The following STK31 variants were observed in gnomAD, a reference collection of about 807,000 sequenced individuals.
The protein encoded by STK31 is serine/threonine-protein kinase 31.
STK31 carries 89 observed loss-of-function variants against 129.7 expected under a neutral mutation model. The ratio of observed to expected loss-of-function variants is 0.69; its 90% CI spans 0.58 to 0.82. The LOEUF is 0.82. Ranked by LOEUF, STK31 falls within the 40% of genes least tolerant of loss-of-function variation. STK31 has a pLI of 0.00. For missense variants in STK31, 1,187 were observed against 1,176.4 expected, an observed-to-expected ratio of 1.01 and a Z score of -0.13; for synonymous variants, 448 against 395.3, an observed-to-expected ratio of 1.13 and a Z score of -1.58.
At chr7:23,795,072 A>T (rs1320251337) in intron 22 of STK31, among the ~76,000 whole-genome samples, 1 of 152,230 alleles carries the variant, frequency 6.6e-6, no homozygotes, top group African/African-American at 2.4e-5. Flanking sequence ...CTGAATGTTA[A>T]TCGCTAGGAC....
intron 23 of STK31, among the ~76,000 whole-genome samples, chr7:23,827,236 A>G (rs551764828): frequency 6.0e-4 from 92 of 152,238 alleles, no homozygotes; most frequent in Non-Finnish European, 9.8e-4. Context: ...AGGTACACCA[A>G]TTAGACGTAG....
Position 23,762,863 on chromosome 7 carries a change from A to T in STK31, c.1356A>T (p.Val452=). Reference sequence around the variant, plus strand: ...TGCAGCAGAAGCTGTACATGTCAGTAGAAGATTTTATTCTGGAAGTTGATG... The same window carrying T: ...TGCAGCAGAAGCTGTACATGTCAGTTGAAGATTTTATTCTGGAAGTTGATG... ...NEMQQKLYMS[V]EDFILEVDES... The change falls in exon 11 of 24, where the codon GTA becomes GTT. Residue 452 remains valine (V), a synonymous_variant. Coordinates refer to ENST00000355870, the MANE Select transcript of STK31 (RefSeq NM_031414.5). 1.2e-6 allele frequency: 2 copies of T among 1,609,320 alleles called. No homozygotes were observed.
intron 22 of STK31, among the ~76,000 whole-genome samples, chr7:23,799,436 T>G (rs1792224857): frequency 6.6e-6 from 1 of 151,898 alleles, no homozygotes; most frequent in Non-Finnish European, 1.5e-5. Context: ...AAGTAATGCC[T>G]CAGAAGTATC....
At chr7:23,768,938 G>A in intron 11 of STK31, 57 bp from the exon 12 acceptor site, 1 of 1,418,152 alleles carries the variant, frequency 7.1e-7, no homozygotes, top group African/African-American at 1.4e-5. Flanking sequence ...CTAACACAGT[G>A]CTCGAATCCT....
intron 1 of STK31, 117 bp from the exon 2 acceptor site, chr7:23,711,982 G>C (rs1220052131): frequency 1.2e-6 from 1 of 851,388 alleles, no homozygotes; most frequent in African/African-American, 1.7e-5. Context: ...TATAGAGTTT[G>C]AATTTTGATA....
At chr7:23,810,647 A>T (rs1373637619) in intron 22 of STK31, among the ~76,000 whole-genome samples, 1 of 135,986 alleles carries the variant, frequency 7.4e-6, no homozygotes, top group Non-Finnish European at 1.6e-5. Context: ...AAATATATAA[A>T]TTATATATAT....
chr7:23,826,840 C>T (rs1794184794), intron 23 of STK31, among the ~76,000 whole-genome samples: 1 of 152,072 alleles, frequency 6.6e-6, no homozygotes, highest in Non-Finnish European at 1.5e-5. Context: ...TTTTATTTCT[C>T]CTTCATTTAT....
rs768594202 is a variant in STK31, at chr7:23,781,424, T to C, written c.1971T>C (p.Asp657=). The change falls in exon 16 of 24, where the codon GAT becomes GAC. Residue 657 remains aspartate (D), a synonymous_variant. Coordinates refer to ENST00000355870, the MANE Select transcript of STK31 (RefSeq NM_031414.5). The stretch of plus-strand genomic sequence containing the variant: ...CTTTTTCTTTCTGATTCAAGTCAGA[T>C]GATCCTGATGGCTCTCAAATTGAGA... ...LVEKSNLEES[D]DPDGSQIEKI... The C allele has an allele frequency of 1.2e-6, 2 of 1,605,028 alleles. No individual in the cohort carries two copies. The highest frequency in any genetic ancestry group is 1.7e-6 in the Non-Finnish European group (2 of 1,177,284).
At chr7:23,765,522 T>G (rs889155109) in intron 11 of STK31, among the ~76,000 whole-genome samples, 5 of 151,584 alleles carry the variant, frequency 3.3e-5, no homozygotes, top group Admixed American at 2.0e-4. Context: ...TATCATCGTT[T>G]CTTTTTCTCT....
intron 10 of STK31, among the ~76,000 whole-genome samples, chr7:23,756,823 C>T (rs900081555): frequency 6.6e-6 from 1 of 152,184 alleles, no homozygotes; most frequent in African/African-American, 2.4e-5. Context: ...ACCAGCCTTG[C>T]GTCCCAGGGA....
At chr7:23,809,658 C>T (rs1792961199) in intron 22 of STK31, among the ~76,000 whole-genome samples, 1 of 152,120 alleles carries the variant, frequency 6.6e-6, no homozygotes, top group Non-Finnish European at 1.5e-5. Context: ...TGAAAAAAAT[C>T]TGCATGTTAG....
chr7:23,800,769 A>AAATATAAAT, intron 22 of STK31, among the ~76,000 whole-genome samples: 1 of 152,256 alleles, frequency 6.6e-6, no homozygotes, highest in Non-Finnish European at 1.5e-5. Flanking sequence ...AAATAGAAAA[A>AAATATAAAT]AATATAAATA....
At chr7:23,793,546 A>C (rs184472343) in intron 22 of STK31, among the ~76,000 whole-genome samples, 2 of 152,354 alleles carry the variant, frequency 1.3e-5, no homozygotes, top group African/African-American at 4.8e-5. Flanking sequence ...AATACTAAGA[A>C]GACTGCCCAG....
At chr7:23,729,932 T>G (rs557764655) in intron 6 of STK31, among the ~76,000 whole-genome samples, 2 of 152,220 alleles carry the variant, frequency 1.3e-5, no homozygotes, top group African/African-American at 4.8e-5. Flanking sequence ...ACCACAAATT[T>G]GAAATTAATG....
intron 4 of STK31, chr7:23,722,812 G>T (rs1010265898): frequency 1.1e-5 from 1 of 94,464 alleles, no homozygotes. Flanking sequence ...CAGCCTCGCC[G>T]CCGCCTTGCA....
chr7:23,783,078 T>C (rs557155868), intron 16 of STK31, among the ~76,000 whole-genome samples: 2 of 152,016 alleles, frequency 1.3e-5, no homozygotes, highest in Non-Finnish European at 2.9e-5. Flanking sequence ...TCGGAGAGAC[T>C]CTGGGGATGC....
At chr7:23,773,394 A>G (rs1255944666) in intron 15 of STK31, among the ~76,000 whole-genome samples, 1 of 152,148 alleles carries the variant, frequency 6.6e-6, no homozygotes, top group Non-Finnish European at 1.5e-5. Flanking sequence ...ATAGCTGCAT[A>G]ATATTCCATG....
chr7:23,765,547 C>CTAA (rs1363649967), intron 11 of STK31, among the ~76,000 whole-genome samples: 1 of 144,660 alleles, frequency 6.9e-6, no homozygotes, highest in African/African-American at 2.5e-5. Context: ...TTCTAACTTA[C>CTAA]ACCTCTTATA....
intron 3 of STK31, among the ~76,000 whole-genome samples, chr7:23,713,168 C>T (rs751566768): frequency 2.0e-5 from 3 of 152,140 alleles, no homozygotes; most frequent in Non-Finnish European, 4.4e-5. Context: ...ATATAGCCTA[C>T]CACATACCTA....
Sources: allele counts gnomAD v4.1 joint callset (sites outside exome capture counted in the v4.1 genomes callset), GRCh38; gene constraint gnomAD v4.1.1; transcripts MANE v1.5; gene names NCBI Gene and HGNC (gene_info 2026-07-23, HGNC 2026-07-21).